The following SLIT3 variants were observed in gnomAD, a reference collection of about 807,000 sequenced individuals.
The protein encoded by SLIT3 is slit guidance ligand 3.
Under a neutral mutation model 184.0 loss-of-function variants are expected in SLIT3, and 68 were observed. The observed-to-expected ratio is 0.37, with a 90% confidence interval of 0.30 to 0.45. The LOEUF (loss-of-function observed/expected upper bound fraction) is 0.45. SLIT3 is among the 20% of genes least tolerant of loss of function. The pLI is 1.00. For missense variants in SLIT3, 1,707 were observed against 2,026.0 expected, an observed-to-expected ratio of 0.84 and a Z score of 3.02; for synonymous variants, 831 against 828.6, an observed-to-expected ratio of 1.00 and a Z score of -0.05.
Position 168,762,638 on chromosome 5 carries a change from A to C in SLIT3, c.1511T>G (p.Val504Gly), listed in dbSNP as rs1455388796. Residue 504 changes from valine (V) to glycine (G), a missense_variant, in exon 15 of 36, where the codon GTG (valine) becomes GGG (glycine). This residue lies in a region of SLIT3 where 1,307 missense variants were observed against 1,511.6 expected (regional missense o/e 0.86). Coordinates refer to ENST00000519560, the MANE Select transcript of SLIT3 (RefSeq NM_003062.4). ...RFSSECFMDL[V>G]CPEKCRCEGT... ...CTCACAGCGACACTTCTCGGGGCAC[A>C]CGAGGTCCATGAAGCACTCGCTGCT... 1 of 1,614,190 alleles carries C rather than the reference A, an allele frequency of 6.2e-7. No homozygotes were observed. Among genetic ancestry groups the C allele is most frequent in the Non-Finnish European group, 8.5e-7 (1 of 1,180,026 alleles).
chr5:168,671,795 C>T (rs1392913816), intron 33 of SLIT3, among the ~76,000 whole-genome samples: 1 of 152,136 alleles, frequency 6.6e-6, no homozygotes, highest in Non-Finnish European at 1.5e-5. Context: ...CCTATGATCC[C>T]ACTGGCTGAA....
At position 169,230,038 on chromosome 5, in the gene SLIT3, T is replaced by C. The variant is rs1197439596; in HGVS notation, c.341+14667A>G. Among the ~76,000 whole-genome samples the C allele has an allele frequency of 2.0e-5, 3 of 152,346 alleles. No homozygotes were observed. The East Asian group carries it at 5.8e-4, about 29-fold the overall frequency. On this transcript the variant is annotated intron_variant, in intron 3 of 35. Coordinates refer to ENST00000519560, the MANE Select transcript of SLIT3 (RefSeq NM_003062.4). ...TGCTGCTCACTGTATAAGCATTTCATGGAGTGTAATTTCAGTAATCAATGG... is the reference window on the plus strand; with the variant it reads ...TGCTGCTCACTGTATAAGCATTTCACGGAGTGTAATTTCAGTAATCAATGG...
intron 4 of SLIT3, among the ~76,000 whole-genome samples, chr5:169,150,916 G>T (rs1305985638): frequency 6.6e-6 from 1 of 152,144 alleles, no homozygotes; most frequent in East Asian, 1.9e-4. Flanking sequence ...GGAAACATCT[G>T]CTGAAATTAA....
intron 3 of SLIT3, among the ~76,000 whole-genome samples, chr5:169,204,394 G>A (rs751462709): frequency 6.6e-6 from 1 of 152,150 alleles, no homozygotes; most frequent in South Asian, 2.1e-4. Flanking sequence ...ATGTTGAGAC[G>A]TCCAAAATAA....
At chr5:169,004,791 G>A (rs373223179) in intron 4 of SLIT3, among the ~76,000 whole-genome samples, 14 of 152,258 alleles carry the variant, frequency 9.2e-5, no homozygotes, top group East Asian at 5.8e-4. Context: ...AGGGTCCAGA[G>A]AGCTTGTTTT....
chr5:168,900,169 C>A (rs1394982426), intron 4 of SLIT3, among the ~76,000 whole-genome samples: 1 of 152,136 alleles, frequency 6.6e-6, no homozygotes, highest in African/African-American at 2.4e-5. Flanking sequence ...GGTAAGGGAG[C>A]ACTTATACGT....
At chr5:168,864,140 G>T (rs1019313749) in intron 5 of SLIT3, among the ~76,000 whole-genome samples, 4 of 152,226 alleles carry the variant, frequency 2.6e-5, no homozygotes, top group Admixed American at 6.5e-5. Context: ...AGCCCAGGAG[G>T]TCGAGGCTGC....
chr5:169,294,755 C>T (rs979021520), intron 1 of SLIT3, among the ~76,000 whole-genome samples: 5 of 152,188 alleles, frequency 3.3e-5, no homozygotes, highest in Admixed American at 6.5e-5. Context: ...AGTGCACTCA[C>T]ACGAGCCCAG....
At chr5:168,803,714 C>T (rs1021257685) in intron 9 of SLIT3, among the ~76,000 whole-genome samples, 13 of 151,816 alleles carry the variant, frequency 8.6e-5, no homozygotes, top group African/African-American at 2.7e-4. Context: ...AGCCGAGGGA[C>T]GGTCTATGGC....
At chr5:169,262,528 G>A (rs1031111454) in intron 1 of SLIT3, among the ~76,000 whole-genome samples, 2 of 152,200 alleles carry the variant, frequency 1.3e-5, no homozygotes, top group African/African-American at 4.8e-5. Flanking sequence ...GTGGTGTCCA[G>A]GCTGTGAGGC....
intron 20 of SLIT3, among the ~76,000 whole-genome samples, chr5:168,746,198 G>T (rs1365083789): frequency 1.3e-5 from 2 of 152,188 alleles, no homozygotes; most frequent in Non-Finnish European, 2.9e-5. Flanking sequence ...TGCTAACCTG[G>T]CCCAGAAAAG....
intron 4 of SLIT3, among the ~76,000 whole-genome samples, chr5:168,884,549 G>GATATATATATATAGATATATATAT (rs1554153413): frequency 2.4e-5 from 1 of 41,138 alleles, no homozygotes; most frequent in Non-Finnish European, 4.1e-5. Flanking sequence ...CCAATTACGA[G>GATATATATATATAGATATATATAT]ATATATATAT....
chr5:169,129,978 A>T (rs139665506), intron 4 of SLIT3, among the ~76,000 whole-genome samples: 2,964 of 152,178 alleles, frequency 0.019, 48 homozygotes, highest in East Asian at 0.056. Context: ...CCACCTGAGC[A>T]GCTGGGATTA....
chr5:169,063,349 T>C (rs1758240587), intron 4 of SLIT3, among the ~76,000 whole-genome samples: 1 of 152,246 alleles, frequency 6.6e-6, no homozygotes, highest in Non-Finnish European at 1.5e-5. Context: ...GCTGGAAGTT[T>C]CCTTCCTACC....
At chr5:168,840,846 G>A (rs1055018290) in intron 6 of SLIT3, among the ~76,000 whole-genome samples, 6 of 152,194 alleles carry the variant, frequency 3.9e-5, no homozygotes, top group Non-Finnish European at 8.8e-5. Context: ...ACTGTGGAGT[G>A]CCAAAGTCTA....
chr5:169,030,568 T>G (rs1266292723), intron 4 of SLIT3: 1 of 152,252 alleles, frequency 6.6e-6, no homozygotes, highest in African/African-American at 2.4e-5. Context: ...GCATTTGTCC[T>G]TTCACTGTGT....
At chr5:168,793,313 C>G (rs539091409) in intron 10 of SLIT3, among the ~76,000 whole-genome samples, 2 of 151,630 alleles carry the variant, frequency 1.3e-5, no homozygotes, top group Non-Finnish European at 2.9e-5. Flanking sequence ...GGGGAAACTT[C>G]CTCCTGTTAG....
At chr5:168,970,515 AC>A (rs1561581398) in intron 4 of SLIT3, among the ~76,000 whole-genome samples, 2 of 151,146 alleles carry the variant, frequency 1.3e-5, no homozygotes, top group South Asian at 2.1e-4. Context: ...AAAAAAAAAA[AC>A]AAAGACAAAA....
intron 4 of SLIT3, among the ~76,000 whole-genome samples, chr5:169,187,992 C>T (rs1763416207): frequency 6.6e-6 from 1 of 152,214 alleles, no homozygotes; most frequent in Non-Finnish European, 1.5e-5. Context: ...GGGTCTCACT[C>T]TGTCGCCCAA....
Sources: gnomAD v4.1 joint callset for allele counts (sites outside exome capture counted in the v4.1 genomes callset) on GRCh38, gnomAD v4.1.1 for gene constraint, gnomAD v4.1.1 regional missense constraint, MANE v1.5 for transcripts, NCBI Gene and HGNC (gene_info 2026-07-23, HGNC 2026-07-21) for gene names.